The following STX18 variants were observed in gnomAD, a reference collection of about 807,000 sequenced individuals.
STX18 encodes syntaxin-18.
STX18 carries 40 observed loss-of-function variants against 50.1 expected under a neutral mutation model. The ratio of observed to expected loss-of-function variants is 0.80; its 90% CI spans 0.62 to 1.04. STX18 has a LOEUF of 1.04. Among genes scored for constraint, STX18 ranks in the 50% least tolerant of loss-of-function variants. The pLI is 0.00. For missense variants in STX18, 410 were observed against 415.8 expected, an observed-to-expected ratio of 0.99 and a Z score of 0.12; for synonymous variants, 158 against 151.8, an observed-to-expected ratio of 1.04 and a Z score of -0.30.
intron 1 of STX18, among the ~76,000 whole-genome samples, chr4:4,541,544 G>A (rs1731595286): frequency 6.6e-6 from 1 of 152,116 alleles, no homozygotes; most frequent in East Asian, 1.9e-4. Flanking sequence ...AGATTTCTGA[G>A]GATCTCCTTT....
rs1238984094 is a variant in STX18, at chr4:4,459,352, C to T, written c.352+20G>A. 1.3e-6 allele frequency: 2 copies of T among 1,580,516 alleles called. No individual in the cohort carries two copies. Among genetic ancestry groups the T allele is most frequent in the African/African-American group, 1.3e-5 (1 of 74,212 alleles). ...TGCTATATTCATGGTTGCTTGTTTG[C>T]ATCTTTCAGAGCACTTTACCTTCTG... On this transcript the variant is annotated intron_variant, in intron 3 of 10. Coordinates refer to ENST00000306200, the MANE Select transcript of STX18 (RefSeq NM_016930.4).
intron 1 of STX18, among the ~76,000 whole-genome samples, chr4:4,540,456 A>G (rs564713587): frequency 2.5e-4 from 38 of 152,166 alleles, no homozygotes; most frequent in African/African-American, 8.7e-4. Flanking sequence ...AGCTTAGCGC[A>G]TACTATTCTC....
chr4:4,507,266 G>C, intron 1 of STX18: 1 of 699,252 alleles, frequency 1.4e-6, no homozygotes, highest in Admixed American at 1.8e-5. Flanking sequence ...AAAGAGTCCG[G>C]CATCTCCCAG....
intron 1 of STX18, among the ~76,000 whole-genome samples, chr4:4,472,834 C>T (rs1003286992): frequency 6.6e-6 from 1 of 152,148 alleles, no homozygotes; most frequent in African/African-American, 2.4e-5. Context: ...AAAGAAACAT[C>T]CATGGTTTGT....
At chr4:4,430,485 G>A (rs1202707331) in intron 7 of STX18, among the ~76,000 whole-genome samples, 6 of 152,202 alleles carry the variant, frequency 3.9e-5, no homozygotes, top group African/African-American at 1.2e-4. Flanking sequence ...CCTTCTGCCC[G>A]ATCCTCTTGC....
chr4:4,507,407 T>C, intron 1 of STX18: 1 of 757,980 alleles, frequency 1.3e-6, no homozygotes, highest in African/African-American at 1.7e-5. Flanking sequence ...GTTCCTCCAC[T>C]GAAATCTTTC....
chr4:4,487,778 C>T (rs1728762658), intron 1 of STX18, among the ~76,000 whole-genome samples: 1 of 152,194 alleles, frequency 6.6e-6, no homozygotes, highest in Non-Finnish European at 1.5e-5. Flanking sequence ...ATACATCCCA[C>T]ATCCCAGGAA....
At chr4:4,506,055 C>T (rs532879843) in intron 1 of STX18, among the ~76,000 whole-genome samples, 3 of 152,192 alleles carry the variant, frequency 2.0e-5, no homozygotes, top group South Asian at 2.1e-4. Flanking sequence ...TTTTATTTAT[C>T]CATTCATCAG....
At chr4:4,481,269 C>T (rs950019176) in intron 1 of STX18, among the ~76,000 whole-genome samples, 9 of 152,190 alleles carry the variant, frequency 5.9e-5, no homozygotes, top group Non-Finnish European at 1.2e-4. Flanking sequence ...TTGCAAACCC[C>T]CTCACCCTTC....
At chr4:4,452,988 C>A (rs909041907) in intron 5 of STX18, among the ~76,000 whole-genome samples, 5 of 152,158 alleles carry the variant, frequency 3.3e-5, no homozygotes, top group African/African-American at 1.2e-4. Context: ...GAAGTGGAGA[C>A]TGAAGATGCG....
At chr4:4,434,100 T>A (rs1667568162) in intron 7 of STX18, among the ~76,000 whole-genome samples, 1 of 152,248 alleles carries the variant, frequency 6.6e-6, no homozygotes, top group African/African-American at 2.4e-5. Flanking sequence ...ACTGGAGGCG[T>A]GCCGTGTGGT....
rs768105340 is a variant in STX18, at chr4:4,541,916, T to C, written c.49A>G (p.Lys17Glu). 3.7e-6 allele frequency: 6 copies of C among 1,610,506 alleles called. No homozygotes were observed. In the East Asian group the frequency reaches 1.3e-4, roughly 36 times the overall value. The part of the protein sequence containing the change: ...LLFRASVKTV[K>E]TRNKALGVAV... Reference sequence around the variant, plus strand: ...ACTCCCAGCGCCTTGTTCCGCGTCTTCACGGTCTTGACGCTGGCCCGGAAT... The same window carrying C: ...ACTCCCAGCGCCTTGTTCCGCGTCTCCACGGTCTTGACGCTGGCCCGGAAT... The change falls in exon 1 of 11, where the codon AAG (lysine) becomes GAG (glutamate). Residue 17 changes from lysine to glutamate, a missense_variant. Transcript: ENST00000306200.
chr4:4,516,470 G>T (rs765416377), intron 1 of STX18, among the ~76,000 whole-genome samples: 37 of 152,178 alleles, frequency 2.4e-4, no homozygotes, highest in Non-Finnish European at 3.7e-4. Context: ...GGAAAAAATT[G>T]AAAAATTATG....
intron 1 of STX18, among the ~76,000 whole-genome samples, chr4:4,511,759 T>TGC (rs1336473606): frequency 7.3e-6 from 1 of 137,464 alleles, no homozygotes; most frequent in African/African-American, 3.2e-5. Context: ...TGTGTGTGTG[T>TGC]GTATGCCCCT....
chr4:4,433,579 C>G (rs1725630825), intron 7 of STX18, among the ~76,000 whole-genome samples: 1 of 149,062 alleles, frequency 6.7e-6, no homozygotes, highest in Non-Finnish European at 1.5e-5. Context: ...GTTCTGGGCT[C>G]TGGGTGAGGA....
intron 5 of STX18, among the ~76,000 whole-genome samples, chr4:4,441,594 C>A (rs1208543399): frequency 8.6e-5 from 13 of 151,996 alleles, no homozygotes; most frequent in African/African-American, 2.7e-4. Context: ...ACGTAAAAAA[C>A]CAAAAAAGAT....
intron 1 of STX18, among the ~76,000 whole-genome samples, chr4:4,479,160 G>A (rs984651888): frequency 4.6e-5 from 7 of 152,050 alleles, no homozygotes; most frequent in Non-Finnish European, 8.8e-5. Flanking sequence ...CATACTATAC[G>A]GCAGGCACCA....
intron 2 of STX18, among the ~76,000 whole-genome samples, chr4:4,467,570 T>C (rs796794362): frequency 2.6e-5 from 4 of 152,178 alleles, no homozygotes; most frequent in Non-Finnish European, 5.9e-5. Context: ...AGCTGTGATC[T>C]TCAGGTTATG....
chr4:4,436,256 G>C (rs1257329381), intron 6 of STX18, among the ~76,000 whole-genome samples: 1 of 152,178 alleles, frequency 6.6e-6, no homozygotes, highest in African/African-American at 2.4e-5. Context: ...GTGCATGCAG[G>C]CTTTTAGAAA....
Sources: allele counts gnomAD v4.1 joint callset (sites outside exome capture counted in the v4.1 genomes callset), GRCh38; gene constraint gnomAD v4.1.1; transcripts MANE v1.5; gene names NCBI Gene and HGNC (gene_info 2026-07-23, HGNC 2026-07-21).